Variants in IGF2R observed in about 807,000 individuals in gnomAD.
IGF2R encodes the protein insulin like growth factor 2 receptor, also known as cation-independent mannose-6-phosphate receptor.
Under a neutral mutation model 270.6 loss-of-function variants are expected in IGF2R, and 91 were observed. The observed-to-expected ratio is 0.34, with a 90% CI of 0.28 to 0.40. IGF2R has a LOEUF of 0.40. Among genes scored for constraint, IGF2R ranks in the 10% least tolerant of loss-of-function variants. The pLI, the probability that IGF2R is intolerant of heterozygous loss-of-function variation, is 1.00. For synonymous variants in IGF2R, 1,316 were observed against 1,258.9 expected (o/e 1.05, Z -0.96); for missense variants, 2,805 against 3,188.3 (o/e 0.88, Z 2.90).
chr6:160,097,193 A>G (rs181929107), intron 45 of IGF2R, among the ~76,000 whole-genome samples: 2 of 152,364 alleles, frequency 1.3e-5, no homozygotes, highest in East Asian at 3.9e-4. Context: ...CTCTGAAGGA[A>G]GGTGGCACCT....
intron 31 of IGF2R, among the ~76,000 whole-genome samples, chr6:160,070,857 C>T (rs1778704041): frequency 6.6e-6 from 1 of 152,190 alleles, no homozygotes; most frequent in African/African-American, 2.4e-5. Context: ...GCCCTCTTGC[C>T]TGGAGCGGCA....
chr6:160,045,764 A>G lies in IGF2R; in HGVS notation c.1785A>G (p.Pro595=), dbSNP rs1224526721. 9 of 1,614,078 alleles carry G rather than the reference A, an allele frequency of 5.6e-6. No homozygotes were observed. In the South Asian group the frequency reaches 7.7e-5, roughly 14 times the overall value. The part of the protein sequence containing the change: ...VCKPGDLESA[P]VLRTSGEGGC... Reference sequence around the variant, plus strand: ...TGACAGGTGATCTGGAAAGTGCACCAGTGTTGAGAACTTCTGGGGAAGGCG... The same window carrying G: ...TGACAGGTGATCTGGAAAGTGCACCGGTGTTGAGAACTTCTGGGGAAGGCG... The change falls in exon 14 of 48, where the codon CCA becomes CCG. Residue 595 remains proline, a synonymous_variant. Transcript: ENST00000356956.
intron 29 of IGF2R, among the ~76,000 whole-genome samples, chr6:160,067,693 C>T (rs1318631639): frequency 6.6e-6 from 1 of 152,194 alleles, no homozygotes; most frequent in Admixed American, 6.5e-5. Context: ...AATATTGCTC[C>T]TGGCATGGGG....
rs1161802911 is a variant in IGF2R, at chr6:160,061,573, C to T, written c.3333C>T (p.Thr1111=). Residue 1111 remains threonine (T), a synonymous_variant, in exon 24 of 48, where the codon ACC becomes ACT. Coordinates refer to ENST00000356956, the MANE Select transcript of IGF2R (RefSeq NM_000876.4). ...TVRKPWTAVD[T]SVDGRKRTFY... ...GGAAACCTTGGACGGCTGTTGACAC[C>T]TCTGTCGATGGGAGAAAGAGGACTT... 6.2e-7 allele frequency: 1 copy of T among 1,614,086 alleles called. No individual in the cohort carries two copies. Among genetic ancestry groups the T allele is most frequent in the South Asian group, 1.1e-5 (1 of 91,084 alleles).
intron 31 of IGF2R, among the ~76,000 whole-genome samples, chr6:160,070,792 G>A (rs1186133480): frequency 1.3e-5 from 2 of 152,194 alleles, no homozygotes; most frequent in Non-Finnish European, 2.9e-5. Context: ...CTCTCCAGCG[G>A]TGGGCAGCAG....
At chr6:160,036,973 T>A (rs1227881048) in intron 10 of IGF2R, among the ~76,000 whole-genome samples, 4 of 152,098 alleles carry the variant, frequency 2.6e-5, no homozygotes, top group Non-Finnish European at 5.9e-5. Context: ...TTTTTCCTTT[T>A]CATTATAAAA....
At chr6:160,098,064 A>G (rs1046436517) in intron 45 of IGF2R, among the ~76,000 whole-genome samples, 6 of 152,138 alleles carry the variant, frequency 3.9e-5, no homozygotes, top group Non-Finnish European at 8.8e-5. Context: ...ATAAAAGATA[A>G]AACCCAGAAG....
At chr6:160,064,089 G>A (rs541912374) in intron 27 of IGF2R, among the ~76,000 whole-genome samples, 10 of 152,346 alleles carry the variant, frequency 6.6e-5, no homozygotes, top group South Asian at 6.2e-4. Flanking sequence ...TGAAGTCAAA[G>A]TAGCTGGTGG....
rs1779552125 is a variant in IGF2R, at chr6:160,103,918, G to C, written c.7065+103G>C. ...GGGGTGCCAAGGAAAGCAGTCACAGGCTGACTGGAATCCAGAAAGGAAAGC... is the reference window on the plus strand; with the variant it reads ...GGGGTGCCAAGGAAAGCAGTCACAGCCTGACTGGAATCCAGAAAGGAAAGC... On this transcript the variant is annotated intron_variant, in intron 47 of 47. Coordinates refer to ENST00000356956, the MANE Select transcript of IGF2R (RefSeq NM_000876.4). The C allele has an allele frequency of 1.5e-5, 11 of 734,282 alleles. No individual in the cohort carries two copies. The South Asian group carries it at 1.8e-4, about 12-fold the overall frequency. The allele number at this position is 734,282 out of a possible 1,614,324, so 45.5% of individuals were successfully genotyped here.
intron 41 of IGF2R, among the ~76,000 whole-genome samples, chr6:160,086,104 G>C (rs543684541): frequency 6.6e-6 from 1 of 152,340 alleles, no homozygotes; most frequent in South Asian, 2.1e-4. Flanking sequence ...CTTCCTAAAA[G>C]TTTGAGGCAG....
rs375084525 is a variant in IGF2R at position 160,032,733 on chromosome 6, C to T, written c.1045+20C>T. 7 of 1,611,066 alleles carry T rather than the reference C, an allele frequency of 4.3e-6. No homozygotes were observed. Among genetic ancestry groups the T allele is most frequent in the Non-Finnish European group, 5.9e-6 (7 of 1,178,506 alleles). On this transcript the variant is annotated intron_variant, in intron 8 of 47. Transcript: ENST00000356956. ...GCGGAGGTAAGCAGGTGCTTTCTGC[C>T]TCCTGGCGCTGCTTAGGAAGAAGGG...
intron 4 of IGF2R, among the ~76,000 whole-genome samples, chr6:160,017,227 A>C (rs1777323927): frequency 6.6e-6 from 1 of 152,232 alleles, no homozygotes; most frequent in African/African-American, 2.4e-5. Flanking sequence ...TATAAAATTG[A>C]GTTGAAAGTT....
At chr6:159,991,142 A>T in intron 1 of IGF2R, 42 bp from the exon 2 acceptor site, 2 of 1,561,614 alleles carry the variant, frequency 1.3e-6, no homozygotes, top group Non-Finnish European at 8.7e-7. Flanking sequence ...TTAATTTTTG[A>T]TAAATCAGTG....
chr6:160,013,576 C>T (rs1028585851), intron 4 of IGF2R, among the ~76,000 whole-genome samples: 4 of 152,156 alleles, frequency 2.6e-5, no homozygotes, highest in African/African-American at 7.2e-5. Context: ...ACTCTCTTAC[C>T]TCTTCAGGTG....
intron 1 of IGF2R, among the ~76,000 whole-genome samples, chr6:159,980,200 A>AAGAAAGG (rs1562330467): frequency 1.2e-5 from 1 of 80,736 alleles, no homozygotes; most frequent in African/African-American, 6.9e-5. Context: ...AGAAAGAAAG[A>AAGAAAGG]AAGAAAGAAA....
intron 2 of IGF2R, among the ~76,000 whole-genome samples, chr6:159,993,985 A>ATTTTTT (rs59369382): frequency 4.1e-4 from 25 of 61,026 alleles, no homozygotes; most frequent in South Asian, 5.4e-4. Context: ...CTCCAACTTG[A>ATTTTTT]TTTTTTTTTT....
At position 160,058,979 on chromosome 6, in the gene IGF2R, C is replaced by T; in HGVS notation, c.2972C>T (p.Thr991Ile). 2.5e-6 allele frequency: 4 copies of T among 1,614,176 alleles called. No homozygotes were observed. The highest frequency in any genetic ancestry group is 2.2e-5 in the South Asian group (2 of 91,082). The change falls in exon 22 of 48, where the codon ACC becomes ATC. Residue 991 changes from threonine (T) to isoleucine (I), a missense_variant. Physicochemically the swap from Thr to Ile is moderately conservative, Grantham distance 89. This residue lies in a region of IGF2R where 1,851 missense variants were observed against 2,207.2 expected (regional missense o/e 0.84). Coordinates refer to ENST00000356956, the MANE Select transcript of IGF2R (RefSeq NM_000876.4). ...GKPASGCEAE[T>I]QTEELKNWKP... ...CCTGCTTCTGGCTGTGAGGCAGAAA[C>T]CCAAACTGAAGAGCTCAAGAATTGG...
rs150881942 is a variant in IGF2R at position 159,991,313 on chromosome 6, T to G, written c.279T>G (p.Tyr93Ter). The G allele has an allele frequency of 6.2e-7, 1 of 1,609,634 alleles. No individual in the cohort carries two copies. Among genetic ancestry groups the G allele is most frequent in the African/African-American group, 1.3e-5 (1 of 74,790 alleles). ...TGCACGACTTGAAGACACGCACTTATCATTCAGTGGGTAAGTAGAACTACC... is the reference window on the plus strand; with the variant it reads ...TGCACGACTTGAAGACACGCACTTAGCATTCAGTGGGTAAGTAGAACTACC... The part of the protein sequence containing the change: ...VCMHDLKTRT[Y>*]HSVGDSVLRS... The change falls in exon 2 of 48, where the codon TAT (tyrosine) becomes TAG (stop). Residue 93 changes from tyrosine (Y) to a stop codon, truncating the protein, a stop_gained. Coordinates refer to ENST00000356956, the MANE Select transcript of IGF2R (RefSeq NM_000876.4). LOFTEE classifies it high-confidence loss of function.
rs151323353 is a variant in IGF2R, at chr6:160,047,263, G to C, written c.2156G>C (p.Arg719Thr). 4.7e-4 allele frequency: 753 copies of C among 1,613,494 alleles called. 3 individuals carry two copies. The highest frequency in any genetic ancestry group is 8.3e-4 in the Middle Eastern group (5 of 6,058). Reference protein sequence around the residue: ...YRGGTPYNNERHTPRATLITF... With the variant: ...YRGGTPYNNETHTPRATLITF... Reference sequence around the variant, plus strand: ...GGCGGCACACCCTATAACAATGAAAGACACACACCGAGAGCTACGCTCATC... The same window carrying C: ...GGCGGCACACCCTATAACAATGAAACACACACACCGAGAGCTACGCTCATC... Residue 719 changes from arginine (R) to threonine (T), a missense_variant, in exon 16 of 48, where the codon AGA (arginine) becomes ACA (threonine). By Grantham distance (71) the Arg-to-Thr change is moderately conservative. This residue lies in a region of IGF2R where 954 missense variants were observed against 981.1 expected (regional missense o/e 0.97). Transcript: ENST00000356956.
Sources: gnomAD v4.1 joint callset for allele counts (sites outside exome capture counted in the v4.1 genomes callset) on GRCh38, gnomAD v4.1.1 for gene constraint, gnomAD v4.1.1 regional missense constraint, MANE v1.5 for transcripts, NCBI Gene and HGNC (gene_info 2026-07-23, HGNC 2026-07-21) for gene names.